The following CEP112 variants were observed in gnomAD, a reference collection of about 807,000 sequenced individuals.
CEP112 encodes centrosomal protein 112, also known as centrosomal protein of 112 kDa.
In CEP112, 127 loss-of-function variants were observed where a neutral mutation model predicts 153.0. That is an observed-to-expected ratio of 0.83 (90% CI 0.72 to 0.96). The LOEUF is 0.96. CEP112 is among the 40% of genes least tolerant of loss of function. CEP112 has a pLI of 0.00. For missense variants in CEP112, 1,089 were observed against 1,101.2 expected (o/e 0.99, Z 0.16); for synonymous variants, 358 against 374.4 (o/e 0.96, Z 0.51).
At chr17:65,857,360 T>A (rs145398111) in intron 20 of CEP112, among the ~76,000 whole-genome samples, 2 of 152,346 alleles carry the variant, frequency 1.3e-5, no homozygotes, top group East Asian at 3.9e-4. Flanking sequence ...TCATTTAAAA[T>A]ACATTATTGC....
chr17:66,004,390 C>T (rs1598078910), intron 17 of CEP112, among the ~76,000 whole-genome samples: 1 of 152,124 alleles, frequency 6.6e-6, no homozygotes, highest in African/African-American at 2.4e-5. Flanking sequence ...ACTCAGGAGG[C>T]TGAGGCAGGA....
chr17:66,077,797 T>G (rs1015777432), intron 8 of CEP112, among the ~76,000 whole-genome samples: 3 of 152,200 alleles, frequency 2.0e-5, no homozygotes, highest in African/African-American at 7.2e-5. Context: ...CATTGTCAGA[T>G]GTATAGATTA....
chr17:66,150,946 T>C (rs1431249024), intron 4 of CEP112, among the ~76,000 whole-genome samples: 4 of 152,206 alleles, frequency 2.6e-5, no homozygotes, highest in Non-Finnish European at 5.9e-5. Flanking sequence ...AAATGACTAT[T>C]TGTCTTATAA....
At chr17:66,168,712 T>G (rs930867746) in intron 4 of CEP112, among the ~76,000 whole-genome samples, 4 of 152,184 alleles carry the variant, frequency 2.6e-5, no homozygotes, top group African/African-American at 9.7e-5. Flanking sequence ...CTTGAAATCA[T>G]GGACCAAACT....
At position 66,142,640 on chromosome 17, in the gene CEP112, G is replaced by A. The variant is rs910355016; in HGVS notation, c.471-9877C>T. On this transcript the variant is annotated intron_variant, in intron 4 of 26. Coordinates refer to ENST00000535342, the MANE Select transcript of CEP112 (RefSeq NM_001199165.4). ...ACCATTGTGTGTTCTTGGCACCTCT[G>A]TCAAAGATCAGTTGACTGTAAATGC... is the stretch of plus-strand genomic sequence containing the variant. Among the ~76,000 whole-genome samples, 6 of 152,136 alleles carry A rather than the reference G, an allele frequency of 3.9e-5. No homozygotes were observed. In the South Asian group the frequency reaches 1.2e-3, roughly 32 times the overall value.
chr17:65,700,251 G>A lies in CEP112; in HGVS notation c.2608-11033C>T, dbSNP rs557827323. 9.9e-4 allele frequency among the ~76,000 whole-genome samples: 151 copies of A among 152,104 alleles called. 1 individual carries two copies. The highest frequency in any genetic ancestry group is 3.1e-3 in the African/African-American group (129 of 41,490). ...AGTATTTCTATAATCTGGGCATATC[G>A]CATGTACCAGACGTGGTACTAAACA... On this transcript the variant is annotated intron_variant, in intron 23 of 26. Coordinates refer to ENST00000535342, the MANE Select transcript of CEP112 (RefSeq NM_001199165.4).
intron 21 of CEP112, among the ~76,000 whole-genome samples, chr17:65,795,130 A>G (rs2054834320): frequency 6.6e-6 from 1 of 152,202 alleles, no homozygotes; most frequent in African/African-American, 2.4e-5. Flanking sequence ...CAACACTGTC[A>G]CTTGGTAAGC....
chr17:65,638,043 A>C (rs915844830), intron 25 of CEP112, among the ~76,000 whole-genome samples: 1 of 152,204 alleles, frequency 6.6e-6, no homozygotes, highest in Non-Finnish European at 1.5e-5. Flanking sequence ...TTGATGCTTA[A>C]TCTGTGAAAT....
At chr17:65,714,683 C>T (rs1337941113) in intron 23 of CEP112, among the ~76,000 whole-genome samples, 1 of 152,146 alleles carries the variant, frequency 6.6e-6, no homozygotes, top group Non-Finnish European at 1.5e-5. Context: ...CTACTCACAA[C>T]AGTATTGTAT....
intron 4 of CEP112, among the ~76,000 whole-genome samples, chr17:66,164,881 CAT>C (rs1283296827): frequency 2.4e-4 from 27 of 114,466 alleles, no homozygotes; most frequent in South Asian, 7.3e-4. Flanking sequence ...TATATACACA[CAT>C]ATATGTGTGT....
intron 21 of CEP112, among the ~76,000 whole-genome samples, chr17:65,850,153 C>CAAAA (rs57086665): frequency 2.8e-5 from 1 of 35,704 alleles, no homozygotes; most frequent in Non-Finnish European, 6.2e-5. Context: ...GACTCTGTCT[C>CAAAA]AAAAAAAAAA....
chr17:65,789,979 A>G (rs2054501793), intron 21 of CEP112, among the ~76,000 whole-genome samples: 1 of 152,116 alleles, frequency 6.6e-6, no homozygotes, highest in Admixed American at 6.5e-5. Context: ...AGTGTGCCTC[A>G]CAGGAAGGGA....
chr17:65,785,307 A>T, intron 21 of CEP112, among the ~76,000 whole-genome samples: 1 of 152,080 alleles, frequency 6.6e-6, no homozygotes, highest in East Asian at 1.9e-4. Flanking sequence ...TTTGGGAAAT[A>T]TTTTTTCAGT....
chr17:65,943,964 A>T (rs1456413688), intron 18 of CEP112, among the ~76,000 whole-genome samples: 1 of 152,056 alleles, frequency 6.6e-6, no homozygotes, highest in Non-Finnish European at 1.5e-5. Flanking sequence ...GCAAGATCTA[A>T]ATTATTTTCC....
intron 24 of CEP112, among the ~76,000 whole-genome samples, chr17:65,686,864 GTTT>G (rs34909403): frequency 6.6e-6 from 1 of 150,618 alleles, no homozygotes; most frequent in Non-Finnish European, 1.5e-5. Context: ...TTGCTATCCA[GTTT>G]TTTTTTTATT....
intron 22 of CEP112, among the ~76,000 whole-genome samples, chr17:65,743,689 GTT>G (rs898750070): frequency 1.3e-5 from 2 of 151,930 alleles, no homozygotes; most frequent in African/African-American, 4.8e-5. Context: ...TGTGTATTGT[GTT>G]TAACACTTTA....
At chr17:66,096,676 G>T (rs752549505) in intron 6 of CEP112, 44 bp from the exon 7 acceptor site, 20 of 1,264,658 alleles carry the variant, frequency 1.6e-5, no homozygotes, top group East Asian at 7.6e-5. Context: ...TATTAATTTT[G>T]GAGTTTTAAT....
intron 24 of CEP112, among the ~76,000 whole-genome samples, chr17:65,679,286 GGAACA>G (rs1418326542): frequency 4.6e-5 from 7 of 151,024 alleles, no homozygotes; most frequent in Non-Finnish European, 1.0e-4. Flanking sequence ...CAGCTGTCTG[GGAACA>G]AATGTATTTT....
chr17:65,935,923 AAT>A (rs1429209893), intron 18 of CEP112, among the ~76,000 whole-genome samples: 6 of 152,060 alleles, frequency 3.9e-5, no homozygotes, highest in Admixed American at 2.0e-4. Flanking sequence ...AAAAAAATGA[AAT>A]AGAGACTAGA....
Sources: allele counts gnomAD v4.1 joint callset (sites outside exome capture counted in the v4.1 genomes callset), GRCh38; gene constraint gnomAD v4.1.1; transcripts MANE v1.5; gene names NCBI Gene and HGNC (gene_info 2026-07-23, HGNC 2026-07-21).